PLPPR1: variants seen among roughly 807,000 people sequenced by gnomAD.
PLPPR1 encodes the protein phospholipid phosphatase-related protein type 1.
Under a neutral mutation model 33.1 loss-of-function variants are expected in PLPPR1, and 10 were observed. That is an observed-to-expected ratio of 0.30 (90% CI 0.19 to 0.51). The LOEUF is 0.51. Among genes scored for constraint, PLPPR1 ranks in the 20% least tolerant of loss-of-function variants. The pLI, the probability that PLPPR1 is intolerant of heterozygous loss-of-function variation, is 0.97. For synonymous variants in PLPPR1, 151 were observed against 151.0 expected (o/e 1.00, Z 0.00); for missense variants, 304 against 408.1 (o/e 0.74, Z 2.20).
At chr9:101,301,166 G>T (rs982323719) in intron 4 of PLPPR1, among the ~76,000 whole-genome samples, 3 of 152,110 alleles carry the variant, frequency 2.0e-5, no homozygotes, top group African/African-American at 7.2e-5. Flanking sequence ...TAATTACAAT[G>T]ACAAATACAG....
At chr9:101,264,430 A>C (rs1349392824) in intron 2 of PLPPR1, among the ~76,000 whole-genome samples, 1 of 151,774 alleles carries the variant, frequency 6.6e-6, no homozygotes, top group Non-Finnish European at 1.5e-5. Flanking sequence ...CCCCCCTTCC[A>C]TTGTTCTCCT....
intron 1 of PLPPR1, among the ~76,000 whole-genome samples, chr9:101,072,278 G>A (rs1022822826): frequency 1.3e-5 from 2 of 152,112 alleles, no homozygotes; most frequent in African/African-American, 4.8e-5. Context: ...TTCCTTATGT[G>A]TTGCGGCTTA....
In PLPPR1 at chr9:101,156,208, G is replaced by A. The variant is rs534343769; in HGVS notation, c.-45-29242G>A. ...ATACCACTACTTTCATTTGACCATGGGTTCCGAGTTTGTTGTGGGTGGAGA... is the reference window on the plus strand; with the variant it reads ...ATACCACTACTTTCATTTGACCATGAGTTCCGAGTTTGTTGTGGGTGGAGA... On this transcript the variant is annotated intron_variant, in intron 1 of 7. Transcript: ENST00000374874. Among the ~76,000 whole-genome samples, 3 of 152,168 alleles carry A rather than the reference G, an allele frequency of 2.0e-5. No individual in the cohort carries two copies. The South Asian group carries it at 6.2e-4, about 32-fold the overall frequency.
At chr9:101,218,536 A>G (rs935078871) in intron 2 of PLPPR1, among the ~76,000 whole-genome samples, 5 of 152,164 alleles carry the variant, frequency 3.3e-5, no homozygotes, top group South Asian at 2.1e-4. Context: ...TATACTCCCT[A>G]TCTCATAAGG....
rs1401739536 is a variant in PLPPR1 at position 101,309,379 on chromosome 9, A to G, written c.554A>G (p.Asp185Gly). The change falls in exon 5 of 8, where the codon GAC becomes GGC. Residue 185 changes from aspartate to glycine, a missense_variant. Asp to Gly is a moderately conservative substitution (Grantham distance 94). Coordinates refer to ENST00000374874, the MANE Select transcript of PLPPR1 (RefSeq NM_207299.2). Reference sequence around the variant, plus strand: ...AACAATGGGAACATTTGTACTGGGGACCTGGAAGTGATAGAAAAGGCTCGG... The same window carrying G: ...AACAATGGGAACATTTGTACTGGGGGCCTGGAAGTGATAGAAAAGGCTCGG... Reference protein sequence around the residue: ...FINNGNICTGDLEVIEKARRS... With the variant: ...FINNGNICTGGLEVIEKARRS... The G allele has an allele frequency of 6.2e-7, 1 of 1,614,034 alleles. No homozygotes were observed.
chr9:101,270,183 C>T (rs1047934024), intron 3 of PLPPR1, 115 bp downstream of exon 3: 22 of 1,080,032 alleles, frequency 2.0e-5, no homozygotes, highest in Non-Finnish European at 2.7e-5. Flanking sequence ...TTATCAGTGG[C>T]ATCCTATTTC....
At chr9:101,269,500 A>G (rs1828056120) in intron 2 of PLPPR1, among the ~76,000 whole-genome samples, 1 of 152,172 alleles carries the variant, frequency 6.6e-6, no homozygotes, top group Non-Finnish European at 1.5e-5. Flanking sequence ...CAGTTCTCAC[A>G]TCTATGTCTT....
At chr9:101,229,607 A>T (rs900038214) in intron 2 of PLPPR1, among the ~76,000 whole-genome samples, 1 of 152,146 alleles carries the variant, frequency 6.6e-6, no homozygotes, top group African/African-American at 2.4e-5. Context: ...ATAATAAAAA[A>T]GGGCATTTAA....
intron 1 of PLPPR1, among the ~76,000 whole-genome samples, chr9:101,162,848 A>C (rs553897984): frequency 2.6e-5 from 4 of 152,098 alleles, no homozygotes; most frequent in Non-Finnish European, 5.9e-5. Flanking sequence ...CAGAACCTAC[A>C]AGTGCTTTTT....
chr9:101,217,357 A>C (rs556377381), intron 2 of PLPPR1, among the ~76,000 whole-genome samples: 180 of 152,360 alleles, frequency 1.2e-3, no homozygotes, highest in Middle Eastern at 3.4e-3. Context: ...ATATATACCA[A>C]GGGTTAGCAA....
intron 2 of PLPPR1, among the ~76,000 whole-genome samples, chr9:101,203,793 T>C (rs1211978645): frequency 6.6e-6 from 1 of 151,880 alleles, no homozygotes; most frequent in Admixed American, 6.6e-5. Flanking sequence ...TACTCTAAAA[T>C]TAAAAGACAA....
intron 1 of PLPPR1, among the ~76,000 whole-genome samples, chr9:101,095,122 G>C (rs1331553863): frequency 6.6e-6 from 1 of 152,120 alleles, no homozygotes. Flanking sequence ...GTCCTGGAAT[G>C]GTCCATTAGT....
chr9:101,221,189 T>C (rs746757492), intron 2 of PLPPR1, among the ~76,000 whole-genome samples: 1 of 152,306 alleles, frequency 6.6e-6, no homozygotes, highest in East Asian at 1.9e-4. Flanking sequence ...GGTGTACCCA[T>C]CACCTGAGCA....
chr9:101,186,226 C>T (rs568944753), intron 2 of PLPPR1, among the ~76,000 whole-genome samples: 38 of 151,720 alleles, frequency 2.5e-4, no homozygotes, highest in African/African-American at 6.8e-4. Context: ...TTAGGAAATT[C>T]GGAAAAAAAC....
chr9:101,237,476 A>G (rs1827326129), intron 2 of PLPPR1, among the ~76,000 whole-genome samples: 1 of 150,574 alleles, frequency 6.6e-6, no homozygotes, highest in Non-Finnish European at 1.5e-5. Context: ...GTGTGTGTGT[A>G]TAGCAAAAAT....
intron 3 of PLPPR1, 100 bp downstream of exon 3, chr9:101,270,168 C>A: frequency 2.4e-6 from 3 of 1,231,094 alleles, no homozygotes; most frequent in East Asian, 2.5e-5. Context: ...CATTCACCAG[C>A]AGTTTTATCA....
intron 2 of PLPPR1, among the ~76,000 whole-genome samples, chr9:101,246,796 C>A (rs562288520): frequency 5.3e-5 from 8 of 152,044 alleles, no homozygotes; most frequent in Non-Finnish European, 7.4e-5. Context: ...CTGTTCTTGT[C>A]TGGGGACACT....
At chr9:101,108,864 A>G (rs2118569499) in intron 1 of PLPPR1, among the ~76,000 whole-genome samples, 1 of 152,166 alleles carries the variant, frequency 6.6e-6, no homozygotes, top group East Asian at 1.9e-4. Flanking sequence ...TTATTCCTGA[A>G]TTAATAAATA....
chr9:101,055,052 A>G (rs1407263625), intron 1 of PLPPR1, among the ~76,000 whole-genome samples: 3 of 152,202 alleles, frequency 2.0e-5, no homozygotes, highest in African/African-American at 7.2e-5. Context: ...TTCAGTTCTT[A>G]AAATTCCAAG....
Sources: gnomAD v4.1 joint callset for allele counts (sites outside exome capture counted in the v4.1 genomes callset) on GRCh38, gnomAD v4.1.1 for gene constraint, MANE v1.5 for transcripts, NCBI Gene and HGNC (gene_info 2026-07-23, HGNC 2026-07-21) for gene names.